GMPR: variants seen among roughly 807,000 people sequenced by gnomAD.
GMPR encodes the protein guanosine monophosphate reductase, also known as GMP reductase 1.
In GMPR, 31 loss-of-function variants were observed where a neutral mutation model predicts 38.4. That is an observed-to-expected ratio of 0.81 (90% CI 0.61 to 1.09). The LOEUF is 1.09. Ranked by LOEUF, GMPR falls within the 50% of genes least tolerant of loss-of-function variation. The probability of loss-of-function intolerance (pLI) is 0.00; values close to 1 mark genes in which losing one functional copy is unlikely to be tolerated. For missense variants in GMPR, 468 were observed against 453.7 expected (o/e 1.03, Z -0.29); for synonymous variants, 162 against 173.3 (o/e 0.93, Z 0.51).
intron 4 of GMPR, among the ~76,000 whole-genome samples, chr6:16,266,360 ACT>A (rs997048070): frequency 2.7e-5 from 4 of 149,734 alleles, no homozygotes; most frequent in Non-Finnish European, 1.5e-5. Flanking sequence ...GAGCTGTAAC[ACT>A]CACTGTGAAA....
chr6:16,267,326 C>A (rs371757836), intron 4 of GMPR, among the ~76,000 whole-genome samples: 3 of 151,858 alleles, frequency 2.0e-5, no homozygotes, highest in African/African-American at 7.3e-5. Flanking sequence ...GAGCCGAGAT[C>A]GCGCCACTGC....
chr6:16,278,069 G>A (rs916009874), intron 5 of GMPR, among the ~76,000 whole-genome samples: 1 of 152,194 alleles, frequency 6.6e-6, no homozygotes, highest in African/African-American at 2.4e-5. Flanking sequence ...CAGGCAGGAG[G>A]GTGCTGGTGT....
chr6:16,270,576 C>T (rs1318578760), intron 4 of GMPR, among the ~76,000 whole-genome samples: 1 of 152,208 alleles, frequency 6.6e-6, no homozygotes, highest in Admixed American at 6.5e-5. Flanking sequence ...AAAGCCTGAC[C>T]ACACTCCTGT....
intron 4 of GMPR, among the ~76,000 whole-genome samples, chr6:16,265,901 C>A (rs992304073): frequency 6.6e-6 from 1 of 152,208 alleles, no homozygotes; most frequent in Non-Finnish European, 1.5e-5. Context: ...ACACTTACTG[C>A]AAAGATGTGC....
In GMPR at chr6:16,249,733, G is replaced by A. The variant is rs1758831618; in HGVS notation, c.208-551G>A. ...CACAAAGCGGGTCATAAATGCTGGGGCAGTAGTCATAGGTTTAGGGTTATA... is the reference window on the plus strand; with the variant it reads ...CACAAAGCGGGTCATAAATGCTGGGACAGTAGTCATAGGTTTAGGGTTATA... On this transcript the variant is annotated intron_variant, in intron 2 of 8. Transcript: ENST00000259727. Among the ~76,000 whole-genome samples the A allele has an allele frequency of 2.0e-5, 3 of 152,234 alleles. No homozygotes were observed. The South Asian group carries it at 6.2e-4, about 32-fold the overall frequency.
intron 7 of GMPR, 127 bp from the exon 8 acceptor site, chr6:16,290,335 G>C: frequency 2.4e-6 from 2 of 824,370 alleles, no homozygotes; most frequent in South Asian, 1.6e-5. Context: ...GAGAGGTCCA[G>C]CCTTTCTCTT....
At chr6:16,263,096 T>G (rs1000304075) in intron 4 of GMPR, 1 of 151,284 alleles carries the variant, frequency 6.6e-6, no homozygotes, top group Non-Finnish European at 1.5e-5. Context: ...AAAGGAAGAT[T>G]AGAAAGACTC....
At chr6:16,265,665 G>C (rs1007239962) in intron 4 of GMPR, among the ~76,000 whole-genome samples, 1 of 145,434 alleles carries the variant, frequency 6.9e-6, no homozygotes, top group African/African-American at 2.4e-5. Context: ...AAGCAGCGCT[G>C]TGTCTAGCTA....
intron 5 of GMPR, among the ~76,000 whole-genome samples, chr6:16,277,749 C>T (rs567038391): frequency 6.6e-6 from 1 of 152,152 alleles, no homozygotes; most frequent in Non-Finnish European, 1.5e-5. Context: ...TCCCCTGGGG[C>T]AGTGACATTT....
chr6:16,272,244 T>TA (rs1217114982), intron 4 of GMPR, among the ~76,000 whole-genome samples: 2 of 152,106 alleles, frequency 1.3e-5, no homozygotes, highest in Non-Finnish European at 2.9e-5. Flanking sequence ...AAAACACTCT[T>TA]AAAAACATCA....
chr6:16,250,160 C>A, intron 2 of GMPR, 124 bp from the exon 3 acceptor site: 4 of 695,302 alleles, frequency 5.8e-6, no homozygotes, highest in Non-Finnish European at 8.0e-6. Context: ...ACATTCAAAG[C>A]AAATTAAGCA....
chr6:16,242,902 T>C (rs1454380863), intron 1 of GMPR, among the ~76,000 whole-genome samples: 1 of 152,170 alleles, frequency 6.6e-6, no homozygotes, highest in East Asian at 1.9e-4. Flanking sequence ...CCTCTTAAAG[T>C]GCTGGGATTA....
intron 5 of GMPR, among the ~76,000 whole-genome samples, chr6:16,275,131 C>A (rs763180247): frequency 6.6e-6 from 1 of 152,142 alleles, no homozygotes; most frequent in Non-Finnish European, 1.5e-5. Context: ...GGTTACTGTT[C>A]GCTTTCCTTC....
intron 5 of GMPR, among the ~76,000 whole-genome samples, chr6:16,277,912 C>T (rs1264043948): frequency 6.6e-6 from 1 of 152,038 alleles, no homozygotes; most frequent in Non-Finnish European, 1.5e-5. Context: ...GCAGGTGGAG[C>T]TTGATTCTGC....
At chr6:16,266,389 C>T (rs1465267400) in intron 4 of GMPR, among the ~76,000 whole-genome samples, 8 of 113,800 alleles carry the variant, frequency 7.0e-5, no homozygotes, top group South Asian at 3.0e-4. Context: ...GCACGTCGGA[C>T]GTGCCACCTT....
At chr6:16,264,550 T>C (rs2113683176) in intron 4 of GMPR, 1 of 152,278 alleles carries the variant, frequency 6.6e-6, no homozygotes, top group African/African-American at 2.4e-5. Flanking sequence ...TTATTTCACC[T>C]GGGTGCAGGC....
intron 3 of GMPR, among the ~76,000 whole-genome samples, chr6:16,250,656 C>A (rs1003404477): frequency 1.3e-5 from 2 of 152,134 alleles, no homozygotes; most frequent in African/African-American, 4.8e-5. Context: ...CAAGGTAGAT[C>A]CAGTCTTTTG....
At chr6:16,277,588 A>T (rs1272331873) in intron 5 of GMPR, among the ~76,000 whole-genome samples, 1 of 152,258 alleles carries the variant, frequency 6.6e-6, no homozygotes, top group Non-Finnish European at 1.5e-5. Context: ...GACTATTTAT[A>T]GTGCCTTATT....
chr6:16,282,299 G>A (rs1438163700), intron 6 of GMPR, among the ~76,000 whole-genome samples: 1 of 152,134 alleles, frequency 6.6e-6, no homozygotes, highest in Non-Finnish European at 1.5e-5. Context: ...ATTAAGGTGG[G>A]ACCAGTTAAT....
Sources: gnomAD v4.1 joint callset for allele counts (sites outside exome capture counted in the v4.1 genomes callset) on GRCh38, gnomAD v4.1.1 for gene constraint, MANE v1.5 for transcripts, NCBI Gene and HGNC (gene_info 2026-07-23, HGNC 2026-07-21) for gene names.